The following PLCD4 variants were observed in gnomAD, a reference collection of about 807,000 sequenced individuals.
The protein encoded by PLCD4 is phospholipase C delta 4, also known as 1-phosphatidylinositol 4,5-bisphosphate phosphodiesterase delta-4.
PLCD4 carries 63 observed loss-of-function variants against 90.2 expected under a neutral mutation model. The ratio of observed to expected loss-of-function variants is 0.70; its 90% confidence interval spans 0.57 to 0.86. PLCD4 has a LOEUF of 0.86. PLCD4 is among the 40% of genes least tolerant of loss of function. The pLI is 0.00. For missense variants in PLCD4, 830 were observed against 956.3 expected (o/e 0.87, Z 1.74); for synonymous variants, 294 against 356.5 (o/e 0.82, Z 1.97).
chr2:218,631,075 T>C (rs1363456860), intron 9 of PLCD4, among the ~76,000 whole-genome samples: 1 of 152,198 alleles, frequency 6.6e-6, no homozygotes, highest in Non-Finnish European at 1.5e-5. Flanking sequence ...TGGTAGTTCA[T>C]AGTTGTTGTG....
At chr2:218,623,726 A>G (rs936049035) in intron 6 of PLCD4, among the ~76,000 whole-genome samples, 1 of 152,126 alleles carries the variant, frequency 6.6e-6, no homozygotes, top group East Asian at 1.9e-4. Flanking sequence ...CTTATTGCCC[A>G]GACTGGAGTG....
At chr2:218,631,655 T>G (rs1696373571) in intron 9 of PLCD4, among the ~76,000 whole-genome samples, 2 of 151,830 alleles carry the variant, frequency 1.3e-5, no homozygotes, top group South Asian at 4.1e-4. Context: ...TAGCTGGGCA[T>G]GATGGTGGGC....
intron 11 of PLCD4, 61 bp downstream of exon 11, chr2:218,633,822 A>C (rs937935035): frequency 1.9e-6 from 3 of 1,576,446 alleles, no homozygotes; most frequent in Non-Finnish European, 2.6e-6. Context: ...GGCCTGATGG[A>C]CTGGCAGGTA....
chr2:218,633,016 A>T (rs1025631256), intron 10 of PLCD4, among the ~76,000 whole-genome samples: 6 of 151,460 alleles, frequency 4.0e-5, no homozygotes, highest in African/African-American at 1.5e-4. Context: ...CAGCTGACTG[A>T]CTCCTAGCTT....
Position 218,615,779 on chromosome 2 carries a change from T to G in PLCD4, c.22+18T>G. The G allele has an allele frequency of 1.2e-6, 2 of 1,604,386 alleles. No individual in the cohort carries two copies. The highest frequency in any genetic ancestry group is 1.7e-6 in the Non-Finnish European group (2 of 1,175,222). On this transcript the variant is annotated intron_variant, in intron 2 of 15. Transcript: ENST00000450993. ...GCAAGACCGTGAGTGCCGGGGCCCC[T>G]GCAGGGGAAGAGGCCTTAGTGTACA... is the stretch of plus-strand genomic sequence containing the variant.
intron 10 of PLCD4, 139 bp downstream of exon 10, chr2:218,632,451 C>A: frequency 1.2e-6 from 1 of 811,192 alleles, no homozygotes; most frequent in Non-Finnish European, 1.9e-6. Context: ...GATTTAAGAC[C>A]GCATACATGG....
Position 218,628,156 on chromosome 2 carries a change from C to A in PLCD4, c.900C>A (p.Phe300Leu), listed in dbSNP as rs1295129163. ...QDMTQPLNHY[F>L]ICSSHNTYLV... The stretch of plus-strand genomic sequence containing the variant: ...TGACTCAACCCCTGAACCACTACTT[C>A]ATCTGCTCTTCTCATAACACCTACC... Residue 300 changes from phenylalanine (F) to leucine (L), a missense_variant, in exon 7 of 16, where the codon TTC becomes TTA. Coordinates refer to ENST00000450993, the MANE Select transcript of PLCD4 (RefSeq NM_032726.4). The A allele has an allele frequency of 6.2e-7, 1 of 1,614,052 alleles. No individual in the cohort carries two copies. Among genetic ancestry groups the A allele is most frequent in the Non-Finnish European group, 8.5e-7 (1 of 1,179,894 alleles).
intron 1 of PLCD4, among the ~76,000 whole-genome samples, chr2:218,615,500 C>T (rs995730930): frequency 1.3e-5 from 2 of 152,092 alleles, no homozygotes; most frequent in Admixed American, 1.3e-4. Context: ...TTTGGTTTAC[C>T]CTTCTCTGAA....
At chr2:218,621,875 C>T (rs551532226) in intron 5 of PLCD4, among the ~76,000 whole-genome samples, 19 of 152,118 alleles carry the variant, frequency 1.2e-4, no homozygotes, top group African/African-American at 4.6e-4. Context: ...GTCAGGAGAT[C>T]GGGTCCATCC....
chr2:218,616,895 ATT>A (rs1559263764), intron 3 of PLCD4, among the ~76,000 whole-genome samples: 2 of 24,336 alleles, frequency 8.2e-5, no homozygotes, highest in African/African-American at 1.8e-4. Context: ...GTTAGCCATT[ATT>A]TTATATATAT....
At chr2:218,633,359 C>T (rs773900683) in intron 10 of PLCD4, 14 of 703,502 alleles carry the variant, frequency 2.0e-5, no homozygotes, top group Middle Eastern at 2.3e-4. Flanking sequence ...ACATGCAGAC[C>T]GCCTTTATTC....
chr2:218,626,040 G>A (rs532646267), intron 6 of PLCD4, among the ~76,000 whole-genome samples: 3 of 152,076 alleles, frequency 2.0e-5, no homozygotes, highest in South Asian at 4.2e-4. Flanking sequence ...GACTGCTTGA[G>A]TTCAGGAGTT....
chr2:218,613,392 C>CA lies in PLCD4; in HGVS notation c.-33-2294dup, dbSNP rs36096465. ...GGTAATAAGAGCAAAAGTCTGTCTC[C>CA]AAAAAAAAAAAAAAAAAAAAAGCAC... On this transcript the variant is annotated intron_variant, in intron 1 of 15. Coordinates refer to ENST00000450993, the MANE Select transcript of PLCD4 (RefSeq NM_032726.4). 3.0e-3 allele frequency among the ~76,000 whole-genome samples: 228 copies of CA among 76,676 alleles called. 3 individuals are homozygous for CA. The highest frequency in any genetic ancestry group is 9.6e-3 in the Middle Eastern group (1 of 104). 50.3% of individuals were successfully genotyped at this position (76,676 alleles called of 152,430 possible).
At chr2:218,621,119 A>G (rs1391442216) in intron 4 of PLCD4, among the ~76,000 whole-genome samples, 1 of 152,030 alleles carries the variant, frequency 6.6e-6, no homozygotes, top group African/African-American at 2.4e-5. Context: ...TTTAGTGGAG[A>G]TGGGATTTCA....
At chr2:218,625,525 C>T (rs903949689) in intron 6 of PLCD4, among the ~76,000 whole-genome samples, 2 of 152,222 alleles carry the variant, frequency 1.3e-5, no homozygotes, top group African/African-American at 4.8e-5. Flanking sequence ...GAGCAAGTCA[C>T]TTAACCTAAC....
At chr2:218,613,673 C>T (rs920267498) in intron 1 of PLCD4, among the ~76,000 whole-genome samples, 2 of 152,106 alleles carry the variant, frequency 1.3e-5, no homozygotes, top group African/African-American at 4.8e-5. Context: ...AAGTGAGCTT[C>T]CCACCTCAGC....
chr2:218,621,335 T>C (rs1010244072), intron 4 of PLCD4, 135 bp from the exon 5 acceptor site: 2 of 1,004,316 alleles, frequency 2.0e-6, no homozygotes, highest in East Asian at 2.5e-5. Context: ...TTCTAGAAGC[T>C]GTGTGGAGAA....
In PLCD4 at chr2:218,634,379, T is replaced by TATCTTCTTAACTCC; in HGVS notation, c.1724-78_1724-65dup. 2 of 1,574,920 alleles carry TATCTTCTTAACTCC rather than the reference T, an allele frequency of 1.3e-6. No individual in the cohort carries two copies. Among genetic ancestry groups the TATCTTCTTAACTCC allele is most frequent in the Non-Finnish European group, 1.7e-6 (2 of 1,158,580 alleles). Reference sequence around the variant, plus strand: ...CAGCAGGTACCGTGCACCCAGTACCTATCTTCTTAACTCCCTGAAAGAGGG... The same window carrying TATCTTCTTAACTCC: ...CAGCAGGTACCGTGCACCCAGTACCTATCTTCTTAACTCCATCTTCTTAACTCCCTGAAAGAGGG... On this transcript the variant is annotated intron_variant, in intron 12 of 15. Transcript: ENST00000450993. This position sits in a 1 kb window ranked among gnomAD's most constrained non-coding sequence, Gnocchi z 4.0.
Position 218,634,027 on chromosome 2 carries a change from G to A in PLCD4, c.1607-78G>A. 7 of 1,522,400 alleles carry A rather than the reference G, an allele frequency of 4.6e-6. No individual in the cohort carries two copies. The highest frequency in any genetic ancestry group is 2.5e-5 in the South Asian group (2 of 80,646). The allele number at this position is 1,522,400 out of a possible 1,614,324, so 94.3% of individuals were successfully genotyped here. ...TTCAGATGCTGGAGAGAAGGGTGAA[G>A]AGTAGGCATGGTCCTTGGGACTAGG... On this transcript the variant is annotated intron_variant, in intron 11 of 15. Coordinates refer to ENST00000450993, the MANE Select transcript of PLCD4 (RefSeq NM_032726.4). This position sits in a 1 kb window ranked among gnomAD's most constrained non-coding sequence, Gnocchi z 4.0.
Sources: allele counts gnomAD v4.1 joint callset (sites outside exome capture counted in the v4.1 genomes callset), GRCh38; gene constraint gnomAD v4.1.1; non-coding constraint Gnocchi (gnomAD v3.1); transcripts MANE v1.5; gene names NCBI Gene and HGNC (gene_info 2026-07-23, HGNC 2026-07-21).